The following SCFD2 variants were observed in gnomAD, a reference collection of about 807,000 sequenced individuals.
SCFD2 encodes the protein sec1 family domain containing 2.
A neutral mutation model predicts 58.9 loss-of-function variants in SCFD2; 54 were observed. The observed-to-expected ratio is 0.92, with a 90% CI of 0.74 to 1.15. The LOEUF (loss-of-function observed/expected upper bound fraction) is 1.15. Ranked by LOEUF, SCFD2 falls within the 50% of genes most tolerant of loss-of-function variation. The probability of loss-of-function intolerance (pLI) is 0.00; values close to 1 mark genes in which losing one functional copy is unlikely to be tolerated. For synonymous variants in SCFD2, 321 were observed against 335.9 expected (o/e 0.96, Z 0.49); for missense variants, 805 against 836.6 (o/e 0.96, Z 0.47).
intron 5 of SCFD2, among the ~76,000 whole-genome samples, chr4:53,021,108 A>G (rs1577665002): frequency 2.0e-5 from 3 of 152,174 alleles, no homozygotes; most frequent in African/African-American, 4.8e-5. Context: ...TATACTAATA[A>G]TGTGAAATTT....
At chr4:53,201,179 C>A (rs1336179468) in intron 4 of SCFD2, among the ~76,000 whole-genome samples, 3 of 151,792 alleles carry the variant, frequency 2.0e-5, no homozygotes, top group East Asian at 3.9e-4. Context: ...CCCTCCTCCC[C>A]CCACCCCACA....
intron 5 of SCFD2, among the ~76,000 whole-genome samples, chr4:53,111,502 C>T (rs1161806014): frequency 2.0e-5 from 3 of 152,048 alleles, no homozygotes; most frequent in Non-Finnish European, 4.4e-5. Context: ...TGTTGTGAAG[C>T]TTTGGTAAAA....
intron 2 of SCFD2, among the ~76,000 whole-genome samples, chr4:53,332,106 T>C (rs1199116610): frequency 2.0e-5 from 3 of 151,920 alleles, no homozygotes; most frequent in African/African-American, 4.8e-5. Context: ...CAATAATCAA[T>C]AGTTTACCAA....
chr4:53,302,380 A>G (rs1577949747), intron 3 of SCFD2, among the ~76,000 whole-genome samples: 1 of 152,312 alleles, frequency 6.6e-6, no homozygotes, highest in Non-Finnish European at 1.5e-5. Context: ...AATACCTAGG[A>G]ATCCAACTTA....
At chr4:53,031,687 T>C (rs574981595) in intron 5 of SCFD2, among the ~76,000 whole-genome samples, 1 of 152,200 alleles carries the variant, frequency 6.6e-6, no homozygotes, top group South Asian at 2.1e-4. Context: ...AGGATATCAA[T>C]GATTGAAGAT....
At chr4:52,931,932 C>T (rs919209434) in intron 5 of SCFD2, among the ~76,000 whole-genome samples, 4 of 152,220 alleles carry the variant, frequency 2.6e-5, no homozygotes, top group African/African-American at 7.2e-5. Flanking sequence ...ATGTGTGGGA[C>T]GGGGATTCTA....
chr4:53,254,024 T>C (rs1301155166), intron 4 of SCFD2, among the ~76,000 whole-genome samples: 1 of 151,972 alleles, frequency 6.6e-6, no homozygotes, highest in Non-Finnish European at 1.5e-5. Context: ...TTCTCACTTA[T>C]AAGTTAGAGC....
chr4:53,248,506 C>T (rs1045664363), intron 4 of SCFD2, among the ~76,000 whole-genome samples: 2 of 152,220 alleles, frequency 1.3e-5, no homozygotes, highest in Non-Finnish European at 2.9e-5. Context: ...GTAACCTCTG[C>T]AGACTTAAAT....
intron 4 of SCFD2, among the ~76,000 whole-genome samples, chr4:53,246,456 G>A (rs1730076037): frequency 6.6e-6 from 1 of 152,170 alleles, no homozygotes; most frequent in African/African-American, 2.4e-5. Context: ...ATACTATAAG[G>A]CTACAGTAAC....
rs542777618 is a variant in SCFD2, at chr4:53,238,965, C to T, written c.1311+34861G>A. 4.0e-3 allele frequency among the ~76,000 whole-genome samples: 604 copies of T among 152,106 alleles called. 2 individuals are homozygous for T. The highest frequency in any genetic ancestry group is 0.014 in the African/African-American group (566 of 41,484). On this transcript the variant is annotated intron_variant, in intron 4 of 8. Transcript: ENST00000401642. ...CTCACTTCCCAGACGGGGTGGCGGCCGGGCAGAGGCTGCAATCTCGGCACT... is the reference window on the plus strand; with the variant it reads ...CTCACTTCCCAGACGGGGTGGCGGCTGGGCAGAGGCTGCAATCTCGGCACT...
chr4:52,964,954 T>C (rs1163425849), intron 5 of SCFD2, among the ~76,000 whole-genome samples: 1 of 151,600 alleles, frequency 6.6e-6, no homozygotes, highest in Non-Finnish European at 1.5e-5. Flanking sequence ...ATTAATTACA[T>C]GATTCCTAAT....
At chr4:52,965,810 A>G (rs1720950392) in intron 5 of SCFD2, among the ~76,000 whole-genome samples, 1 of 152,242 alleles carries the variant, frequency 6.6e-6, no homozygotes, top group Admixed American at 6.5e-5. Flanking sequence ...ATTCTTTCAT[A>G]GTCATAATAG....
chr4:53,222,605 T>C (rs1187217250), intron 4 of SCFD2, among the ~76,000 whole-genome samples: 2 of 140,708 alleles, frequency 1.4e-5, no homozygotes, highest in Non-Finnish European at 3.1e-5. Flanking sequence ...TCATTGCAAT[T>C]GGAAGAACTA....
At chr4:53,222,978 C>G (rs761018404) in intron 4 of SCFD2, among the ~76,000 whole-genome samples, 8 of 152,146 alleles carry the variant, frequency 5.3e-5, no homozygotes, top group Non-Finnish European at 1.0e-4. Context: ...AGAGCACGGA[C>G]TGGTCACCAG....
intron 4 of SCFD2, among the ~76,000 whole-genome samples, chr4:53,209,802 G>A (rs1211774776): frequency 1.3e-5 from 2 of 151,674 alleles, no homozygotes. Context: ...GGAAATAGTA[G>A]ATGATGCATT....
chr4:52,955,921 T>C (rs1477578953), intron 5 of SCFD2: 2 of 369,694 alleles, frequency 5.4e-6, no homozygotes, highest in African/African-American at 4.2e-5. Context: ...TGGGAATACT[T>C]CCTAAGGACA....
intron 1 of SCFD2, among the ~76,000 whole-genome samples, chr4:53,358,606 TAA>T (rs1224982097): frequency 6.7e-6 from 1 of 149,214 alleles, no homozygotes; most frequent in East Asian, 2.0e-4. Context: ...AGAATTGAAC[TAA>T]GAGAGTAAAT....
At chr4:53,221,166 C>T (rs1225451193) in intron 4 of SCFD2, among the ~76,000 whole-genome samples, 3 of 152,142 alleles carry the variant, frequency 2.0e-5, no homozygotes, top group Non-Finnish European at 4.4e-5. Flanking sequence ...ACAGCCACCT[C>T]ACCCACACAA....
At chr4:53,296,825 C>A (rs1343696869) in intron 3 of SCFD2, among the ~76,000 whole-genome samples, 2 of 152,332 alleles carry the variant, frequency 1.3e-5, no homozygotes, top group Admixed American at 1.3e-4. Context: ...CCCAGAGATT[C>A]TGGTACATTG....
Sources: gnomAD v4.1 joint callset for allele counts (sites outside exome capture counted in the v4.1 genomes callset) on GRCh38, gnomAD v4.1.1 for gene constraint, MANE v1.5 for transcripts, NCBI Gene and HGNC (gene_info 2026-07-23, HGNC 2026-07-21) for gene names.